YEATS2: variants seen among roughly 807,000 people sequenced by gnomAD.
YEATS2 encodes the protein YEATS domain containing 2.
A neutral mutation model predicts 163.2 loss-of-function variants in YEATS2; 77 were observed. That is an observed-to-expected ratio of 0.47 (90% CI 0.39 to 0.57). YEATS2 has a LOEUF of 0.57. Ranked by LOEUF, YEATS2 falls within the 20% of genes least tolerant of loss-of-function variation. The probability of loss-of-function intolerance (pLI) is 0.00; values close to 1 mark genes in which losing one functional copy is unlikely to be tolerated. For missense variants in YEATS2, 1,549 were observed against 1,729.8 expected (o/e 0.90, Z 1.85); for synonymous variants, 631 against 645.1 (o/e 0.98, Z 0.33).
At chr3:183,699,077 A>T (rs184759171) in intron 1 of YEATS2, among the ~76,000 whole-genome samples, 40 of 152,318 alleles carry the variant, frequency 2.6e-4, no homozygotes, top group Non-Finnish European at 5.0e-4. Flanking sequence ...CTACGAGGTC[A>T]GTTACTGTGC....
At chr3:183,773,873 T>C in intron 17 of YEATS2, 79 bp downstream of exon 17, 1 of 1,466,144 alleles carries the variant, frequency 6.8e-7, no homozygotes, top group African/African-American at 1.4e-5. Context: ...AGGGCAGTTC[T>C]TACCTGTTTC....
At chr3:183,730,937 A>T (rs1717713871) in intron 7 of YEATS2, among the ~76,000 whole-genome samples, 1 of 152,186 alleles carries the variant, frequency 6.6e-6, no homozygotes, top group Non-Finnish European at 1.5e-5. Flanking sequence ...GTGGGCAAGA[A>T]ATAGAAGTCT....
At chr3:183,792,524 A>G (rs1417856702) in intron 21 of YEATS2, among the ~76,000 whole-genome samples, 1 of 151,914 alleles carries the variant, frequency 6.6e-6, no homozygotes, top group Non-Finnish European at 1.5e-5. Context: ...GTACTGTATT[A>G]TTATTATTTT....
intron 17 of YEATS2, among the ~76,000 whole-genome samples, chr3:183,774,826 G>A (rs1284370575): frequency 6.6e-6 from 1 of 152,118 alleles, no homozygotes; most frequent in Non-Finnish European, 1.5e-5. Flanking sequence ...ACTCTCACTT[G>A]GTGTTTTTTC....
Position 183,776,952 on chromosome 3 carries a change from C to CA in YEATS2, c.2578-575dup, listed in dbSNP as rs763680761. ...GGGGGAAAAGGGTGAGACTCTGTCT[C>CA]AAAAAAAAAAAAAAAGGAAAAGAAT... is the stretch of plus-strand genomic sequence containing the variant. On this transcript the variant is annotated intron_variant, in intron 18 of 30. Transcript: ENST00000305135. Among the ~76,000 whole-genome samples the CA allele has an allele frequency of 2.9e-3, 268 of 91,994 alleles. 1 individual carries two copies. Among genetic ancestry groups the CA allele is most frequent in the East Asian group, 7.2e-3 (23 of 3,204 alleles). 60.4% of individuals were successfully genotyped at this position (91,994 alleles called of 152,430 possible). A position where few individuals can be genotyped will look rare whatever the true frequency, so the allele number is the denominator to read the frequency against.
chr3:183,805,182 T>G (rs1726060777), intron 27 of YEATS2, among the ~76,000 whole-genome samples: 1 of 152,026 alleles, frequency 6.6e-6, no homozygotes. Flanking sequence ...GAGGATCACT[T>G]GAGCCCCTAG....
At chr3:183,762,334 A>C in intron 15 of YEATS2, 55 bp downstream of exon 15, 1 of 1,512,858 alleles carries the variant, frequency 6.6e-7, no homozygotes. Flanking sequence ...TGTTTGCCTA[A>C]ATAATTGACA....
Position 183,723,962 on chromosome 3 carries a change from A to G in YEATS2, c.538-457A>G, listed in dbSNP as rs1023686459. Reference sequence around the variant, plus strand: ...GTCATAGAAACTTAACATGTTTTATACAATATGTGATCATTTCTATATGTA... The same window carrying G: ...GTCATAGAAACTTAACATGTTTTATGCAATATGTGATCATTTCTATATGTA... On this transcript the variant is annotated intron_variant, in intron 5 of 30. Coordinates refer to ENST00000305135, the MANE Select transcript of YEATS2 (RefSeq NM_018023.5). Among the ~76,000 whole-genome samples the G allele has an allele frequency of 7.2e-5, 11 of 152,324 alleles. 1 individual carries two copies. The highest frequency in any genetic ancestry group is 2.0e-4 in the Admixed American group (3 of 15,296).
At chr3:183,805,125 C>T (rs1477243761) in intron 27 of YEATS2, among the ~76,000 whole-genome samples, 1 of 152,080 alleles carries the variant, frequency 6.6e-6, no homozygotes, top group East Asian at 1.9e-4. Context: ...TTGGGCCGGG[C>T]GTAGTGGCTC....
chr3:183,714,210 T>TC (rs1370465866), intron 1 of YEATS2, among the ~76,000 whole-genome samples: 13 of 151,512 alleles, frequency 8.6e-5, no homozygotes, highest in African/African-American at 3.2e-4. Context: ...TTTTTTTTTT[T>TC]TTTGAGATGG....
At position 183,790,698 on chromosome 3, in the gene YEATS2, G is replaced by A. The variant is rs549712503; in HGVS notation, c.2914-99G>A. On this transcript the variant is annotated intron_variant, in intron 20 of 30. Coordinates refer to ENST00000305135, the MANE Select transcript of YEATS2 (RefSeq NM_018023.5). The stretch of plus-strand genomic sequence containing the variant: ...ACTAAGTAGTCATTAACACCTAATA[G>A]ATGATATTTAGTGTGTGTGCTGTGT... 1.9e-4 allele frequency: 247 copies of A among 1,286,704 alleles called. 2 individuals are homozygous for A. The South Asian group carries it at 3.2e-3, about 17-fold the overall frequency. The allele number at this position is 1,286,704 out of a possible 1,614,324, so 79.7% of individuals were successfully genotyped here. A position where few individuals can be genotyped will look rare whatever the true frequency, so the allele number is the denominator to read the frequency against.
chr3:183,720,425 G>C (rs1161125422), intron 4 of YEATS2, among the ~76,000 whole-genome samples: 3 of 151,890 alleles, frequency 2.0e-5, no homozygotes, highest in African/African-American at 7.3e-5. Flanking sequence ...GCTGGAATTA[G>C]TCTCAGCTGA....
intron 13 of YEATS2, among the ~76,000 whole-genome samples, chr3:183,759,987 A>T (rs77530847): frequency 0.018 from 2,785 of 152,270 alleles, 85 homozygotes; most frequent in African/African-American, 0.064. Context: ...TTTAAAATTT[A>T]CAACTCCAAA....
intron 13 of YEATS2, among the ~76,000 whole-genome samples, chr3:183,759,267 CA>C (rs1373393619): frequency 9.2e-5 from 14 of 152,178 alleles, no homozygotes; most frequent in Non-Finnish European, 1.9e-4. Flanking sequence ...TTACTACCCC[CA>C]GACTTTACTA....
intron 1 of YEATS2, among the ~76,000 whole-genome samples, chr3:183,712,554 C>T (rs923743287): frequency 4.6e-5 from 7 of 151,930 alleles, no homozygotes; most frequent in African/African-American, 1.7e-4. Flanking sequence ...AATTCTGCCT[C>T]TGGCTAGGGA....
At position 183,799,720 on chromosome 3, in the gene YEATS2, A is replaced by G. The variant is rs541383528; in HGVS notation, c.3325+731A>G. On this transcript the variant is annotated intron_variant, in intron 23 of 30. Transcript: ENST00000305135. ...GCCTTGTGTCTCAGAACACTAAGATAATGCTGAAAGTTGATAAACTAGCTG... is the reference window on the plus strand; with the variant it reads ...GCCTTGTGTCTCAGAACACTAAGATGATGCTGAAAGTTGATAAACTAGCTG... 5.3e-5 allele frequency among the ~76,000 whole-genome samples: 8 copies of G among 152,116 alleles called. No individual in the cohort carries two copies. The South Asian group carries it at 1.7e-3, about 32-fold the overall frequency.
chr3:183,740,492 T>C (rs1209700526), intron 8 of YEATS2, among the ~76,000 whole-genome samples: 1 of 152,240 alleles, frequency 6.6e-6, no homozygotes, highest in Non-Finnish European at 1.5e-5. Flanking sequence ...AAAACAGCCT[T>C]CTTGCTGATT....
chr3:183,764,170 G>A (rs887460336), intron 15 of YEATS2, among the ~76,000 whole-genome samples: 1 of 151,900 alleles, frequency 6.6e-6, no homozygotes, highest in Admixed American at 6.6e-5. Flanking sequence ...GTCAGATGTT[G>A]AAGACCAGCC....
intron 24 of YEATS2, chr3:183,801,227 T>G (rs1231777274): frequency 7.1e-6 from 3 of 420,196 alleles, no homozygotes; most frequent in Non-Finnish European, 1.3e-5. Context: ...AATATGTGCA[T>G]AATCTTCCAT....
Sources: gnomAD v4.1 joint callset for allele counts (sites outside exome capture counted in the v4.1 genomes callset) on GRCh38, gnomAD v4.1.1 for gene constraint, MANE v1.5 for transcripts, NCBI Gene and HGNC (gene_info 2026-07-23, HGNC 2026-07-21) for gene names.